ZFHX3: variants seen among roughly 807,000 people sequenced by gnomAD.
The protein encoded by ZFHX3 is zinc finger homeobox 3, also known as zinc finger homeobox protein 3.
In ZFHX3, 42 loss-of-function variants were observed where a neutral mutation model predicts 279.1. The observed-to-expected ratio is 0.15, with a 90% confidence interval of 0.12 to 0.19. ZFHX3 has a LOEUF of 0.19. ZFHX3 is among the 10% of genes least tolerant of loss of function. The pLI is 1.00. For missense variants in ZFHX3, 4,981 were observed against 4,754.0 expected (o/e 1.05, Z -1.40); for synonymous variants, 2,293 against 1,957.8 (o/e 1.17, Z -4.52).
chr16:73,647,858 A>G (rs956560807), intron 2 of ZFHX3, among the ~76,000 whole-genome samples: 23 of 152,232 alleles, frequency 1.5e-4, no homozygotes, highest in Non-Finnish European at 2.2e-4. Flanking sequence ...AAAAACCCAA[A>G]TGAAAAAATG....
intron 3 of ZFHX3, among the ~76,000 whole-genome samples, chr16:72,895,498 T>C (rs968042302): frequency 2.0e-5 from 3 of 152,160 alleles, no homozygotes; most frequent in African/African-American, 7.2e-5. Context: ...TTTTCCTTGA[T>C]CACTCCCACT....
chr16:73,870,384 C>T (rs1962129084), intron 1 of ZFHX3, among the ~76,000 whole-genome samples: 1 of 152,116 alleles, frequency 6.6e-6, no homozygotes, highest in Non-Finnish European at 1.5e-5. Flanking sequence ...ACATGTGTGC[C>T]ATGCATCTGT....
chr16:72,932,877 T>C (rs1959899677), intron 3 of ZFHX3, among the ~76,000 whole-genome samples: 1 of 152,198 alleles, frequency 6.6e-6, no homozygotes, highest in Admixed American at 6.5e-5. Flanking sequence ...ATTTAAGTCA[T>C]TCGAGAGTCC....
rs140307751 is a variant in ZFHX3, at chr16:73,786,203, C to T, written c.-1608+105448G>A. Among the ~76,000 whole-genome samples, 1,108 of 152,074 alleles carry T rather than the reference C, an allele frequency of 7.3e-3. 11 individuals carry two copies. Among genetic ancestry groups the T allele is most frequent in the Non-Finnish European group, 9.4e-3 (636 of 67,988 alleles). On this transcript the variant is annotated intron_variant, in intron 1 of 17. Transcript: ENST00000641206. ...TTTTTTTTTTTAACAGCATCCTACT[C>T]TTATTTCATGGATGTGGCCTCTTCC...
intron 5 of ZFHX3, among the ~76,000 whole-genome samples, chr16:73,226,181 T>A (rs2012585306): frequency 6.6e-6 from 1 of 152,174 alleles, no homozygotes; most frequent in Non-Finnish European, 1.5e-5. Context: ...AGGACAACTG[T>A]AACTGAAGGA....
intron 3 of ZFHX3, among the ~76,000 whole-genome samples, chr16:73,425,147 G>A (rs1466300968): frequency 2.0e-5 from 3 of 152,190 alleles, no homozygotes; most frequent in Non-Finnish European, 4.4e-5. Flanking sequence ...TTGAGCAAAT[G>A]CTTGGCTGCA....
chr16:73,104,876 TATGGCTGA>T (rs1213307358), intron 7 of ZFHX3, among the ~76,000 whole-genome samples: 2 of 152,156 alleles, frequency 1.3e-5, no homozygotes, highest in African/African-American at 2.4e-5. Flanking sequence ...TCCATCATCA[TATGGCTGA>T]ATGATCAAAC....
At chr16:72,896,426 C>T (rs76391855) in intron 3 of ZFHX3, among the ~76,000 whole-genome samples, 3,002 of 152,216 alleles carry the variant, frequency 0.02, 107 homozygotes, top group African/African-American at 0.069. Flanking sequence ...GCAAAGCCCT[C>T]CCTGCAACCA....
At chr16:72,948,065 G>A (rs1960790327) in intron 3 of ZFHX3, among the ~76,000 whole-genome samples, 1 of 152,192 alleles carries the variant, frequency 6.6e-6, no homozygotes, top group Non-Finnish European at 1.5e-5. Context: ...GGACCAAAGG[G>A]CTGAGGGCGA....
intron 2 of ZFHX3, among the ~76,000 whole-genome samples, chr16:73,513,192 T>A (rs572171186): frequency 1.7e-4 from 26 of 152,044 alleles, no homozygotes; most frequent in African/African-American, 5.8e-4. Flanking sequence ...TGAAAAGGAG[T>A]CCCTGGTGTG....
chr16:73,093,565 G>C (rs1241477780), exon 8 of ZFHX3: 1 of 512,726 alleles, frequency 2.0e-6, no homozygotes, highest in African/African-American at 1.9e-5. Flanking sequence ...CCATTTCTCG[G>C]CCTTGTCTTC....
chr16:72,969,850 T>C (rs1962022020), intron 1 of ZFHX3, among the ~76,000 whole-genome samples: 1 of 152,242 alleles, frequency 6.6e-6, no homozygotes, highest in South Asian at 2.1e-4. Context: ...TGATTCCATC[T>C]GCTTGGTAGC....
chr16:73,041,338 A>C (rs926082436), intron 1 of ZFHX3, among the ~76,000 whole-genome samples: 2 of 149,154 alleles, frequency 1.3e-5, no homozygotes, highest in Admixed American at 1.3e-4. Context: ...GCTTTCCCCA[A>C]ATATACCTCT....
chr16:72,992,298 C>T (rs1963121603), intron 1 of ZFHX3, among the ~76,000 whole-genome samples: 2 of 152,150 alleles, frequency 1.3e-5, no homozygotes, highest in Admixed American at 1.3e-4. Flanking sequence ...CTGCCTCTCC[C>T]ATCCCCCACA....
At chr16:73,319,719 TACA>T (rs1414958915) in intron 3 of ZFHX3, among the ~76,000 whole-genome samples, 1 of 152,222 alleles carries the variant, frequency 6.6e-6, no homozygotes, top group Non-Finnish European at 1.5e-5. Context: ...TTTCTGTTTA[TACA>T]ACAATTTATA....
At chr16:73,509,759 G>A (rs1287081521) in intron 2 of ZFHX3, among the ~76,000 whole-genome samples, 1 of 120,882 alleles carries the variant, frequency 8.3e-6, no homozygotes, top group Non-Finnish European at 1.7e-5. Context: ...GCAGTGGCGT[G>A]ATCTCGGCTC....
chr16:73,213,970 A>G (rs926674222), intron 5 of ZFHX3, among the ~76,000 whole-genome samples: 6 of 152,172 alleles, frequency 3.9e-5, no homozygotes, highest in African/African-American at 1.4e-4. Context: ...ATTTACCAAG[A>G]TTTCACAACT....
chr16:73,689,578 C>T (rs1227795681), intron 1 of ZFHX3, among the ~76,000 whole-genome samples: 1 of 152,114 alleles, frequency 6.6e-6, no homozygotes, highest in Non-Finnish European at 1.5e-5. Flanking sequence ...TAAACAGCTG[C>T]CTGACTTAGA....
At chr16:72,835,072 C>T (rs995854671) in intron 4 of ZFHX3, among the ~76,000 whole-genome samples, 1 of 152,136 alleles carries the variant, frequency 6.6e-6, no homozygotes, top group African/African-American at 2.4e-5. Flanking sequence ...GAGGCTCTCA[C>T]ATGATCATGT....
Sources: gnomAD v4.1 joint callset for allele counts (sites outside exome capture counted in the v4.1 genomes callset) on GRCh38, gnomAD v4.1.1 for gene constraint, MANE v1.5 for transcripts, NCBI Gene and HGNC (gene_info 2026-07-23, HGNC 2026-07-21) for gene names.